The following RELCH variants were observed in gnomAD, a reference collection of about 807,000 sequenced individuals.
RELCH encodes the protein RAB11-binding protein RELCH.
Under a neutral mutation model 150.3 loss-of-function variants are expected in RELCH, and 41 were observed. That is an observed-to-expected ratio of 0.27 (90% confidence interval 0.21 to 0.35). The LOEUF is 0.35. Ranked by LOEUF, RELCH falls within the 10% of genes least tolerant of loss-of-function variation. The pLI is 1.00. For synonymous variants in RELCH, 478 were observed against 531.8 expected (o/e 0.90, Z 1.39); for missense variants, 1,092 against 1,467.8 (o/e 0.74, Z 4.18).
chr18:62,249,340 C>T (rs575575248), intron 11 of RELCH, among the ~76,000 whole-genome samples: 6 of 152,182 alleles, frequency 3.9e-5, no homozygotes, highest in African/African-American at 1.2e-4. Context: ...TCAAAATATA[C>T]CTGACCAAGT....
At chr18:62,283,574 G>A (rs902031880) in intron 25 of RELCH, among the ~76,000 whole-genome samples, 3 of 152,156 alleles carry the variant, frequency 2.0e-5, no homozygotes, top group Non-Finnish European at 4.4e-5. Flanking sequence ...GATTTGGACT[G>A]CAGTGTCCAA....
intron 18 of RELCH, 125 bp downstream of exon 18, chr18:62,264,977 A>G (rs1243003735): frequency 2.7e-6 from 2 of 728,724 alleles, no homozygotes; most frequent in African/African-American, 1.8e-5. Context: ...TTAATATCCT[A>G]GAATACTATG....
At chr18:62,245,117 A>G (rs2042336063) in intron 11 of RELCH, among the ~76,000 whole-genome samples, 1 of 151,476 alleles carries the variant, frequency 6.6e-6, no homozygotes, top group Admixed American at 6.6e-5. Flanking sequence ...TCTCTTTTTA[A>G]AGGGACCTGG....
chr18:62,269,277 GC>G, intron 20 of RELCH: 1 of 261,774 alleles, frequency 3.8e-6, no homozygotes, highest in Middle Eastern at 1.1e-3. Context: ...GGTGAACTAA[GC>G]TACAAAGCAC....
intron 19 of RELCH, among the ~76,000 whole-genome samples, chr18:62,267,484 ATGTGTGTGTGTGTGTG>A (rs36203741): frequency 7.4e-6 from 1 of 135,750 alleles, no homozygotes; most frequent in Non-Finnish European, 1.6e-5. Flanking sequence ...CTAGGTATAT[ATGTGTGTGTGTGTGTG>A]TGTGTGTGTG....
intron 22 of RELCH, chr18:62,277,444 A>G (rs1326494938): frequency 1.2e-5 from 4 of 346,738 alleles, no homozygotes; most frequent in Non-Finnish European, 1.6e-5. Context: ...TTCTTATTTG[A>G]ACAAAATTGT....
At chr18:62,233,426 T>C (rs774709327) in intron 10 of RELCH, among the ~76,000 whole-genome samples, 119 of 151,970 alleles carry the variant, frequency 7.8e-4, no homozygotes, top group Non-Finnish European at 1.3e-3. Context: ...TTTTCAATTA[T>C]CCATTTAGCA....
chr18:62,204,150 T>G (rs1199553064), intron 1 of RELCH, among the ~76,000 whole-genome samples: 1 of 152,176 alleles, frequency 6.6e-6, no homozygotes, highest in African/African-American at 2.4e-5. Flanking sequence ...TTAGGATGAT[T>G]TATCTAGTCT....
At chr18:62,226,866 C>G (rs1348338590) in intron 5 of RELCH, among the ~76,000 whole-genome samples, 3 of 151,992 alleles carry the variant, frequency 2.0e-5, no homozygotes, top group Admixed American at 1.3e-4. Flanking sequence ...GATATTATAA[C>G]AAAATTATGA....
chr18:62,298,367 A>G (rs1272656536), intron 27 of RELCH, among the ~76,000 whole-genome samples: 1 of 152,248 alleles, frequency 6.6e-6, no homozygotes. Flanking sequence ...AGCTCTAGAC[A>G]TTAAAATAAG....
rs1600244931 is a variant in RELCH, at chr18:62,287,353, G to T, written c.3256G>T (p.Val1086Phe). 6.5e-7 allele frequency: 1 copy of T among 1,544,622 alleles called. No homozygotes were observed. Among genetic ancestry groups the T allele is most frequent in the Non-Finnish European group, 8.9e-7 (1 of 1,118,870 alleles). The change falls in exon 26 of 29, where the codon GTT (valine) becomes TTT (phenylalanine). Residue 1086 changes from valine to phenylalanine, a missense_variant and splice_region_variant. Val to Phe is a conservative substitution (Grantham distance 50, BLOSUM62 -1). Around this residue, in one of 4 missense-constraint regions of RELCH, gnomAD observed 707 missense variants for 1,025.4 expected, o/e 0.69. Coordinates refer to ENST00000644646, the MANE Select transcript of RELCH (RefSeq NM_001346231.2). ...NAEPRFRDEFVIPHLHKLALV... is the reference protein window; with the variant it reads ...NAEPRFRDEFFIPHLHKLALV... Reference sequence around the variant, plus strand: ...AACCCTTTTTTTTCTGTTTTCAGTTGTTATACCACATTTGCATAAGTTAGC... The same window carrying T: ...AACCCTTTTTTTTCTGTTTTCAGTTTTTATACCACATTTGCATAAGTTAGC...
chr18:62,290,248 T>C (rs1170332597), intron 26 of RELCH, among the ~76,000 whole-genome samples: 1 of 152,148 alleles, frequency 6.6e-6, no homozygotes, highest in Non-Finnish European at 1.5e-5. Flanking sequence ...TTAATCATCT[T>C]TATGGCCGGG....
At position 62,307,434 on chromosome 18, in the gene RELCH, G is replaced by A. The variant is rs2045912155; in HGVS notation, c.*1900G>A. On this transcript the variant is annotated 3_prime_UTR_variant, in exon 29 of 29. Transcript: ENST00000644646. ...ATTGTGAACATTTTTCTTAATTAAT[G>A]AATATATTTATTTAAGTGCTAATGT... is the stretch of plus-strand genomic sequence containing the variant. 1 of 152,028 alleles carries A rather than the reference G, an allele frequency of 6.6e-6. No individual in the cohort carries two copies. The highest frequency in any genetic ancestry group is 6.5e-5 in the Admixed American group (1 of 15,270). The allele number at this position is 152,028 out of a possible 1,614,324, so 9.4% of individuals were successfully genotyped here.
chr18:62,261,835 T>C (rs1026368287), intron 16 of RELCH, among the ~76,000 whole-genome samples, 177 bp downstream of exon 16: 1 of 152,070 alleles, frequency 6.6e-6, no homozygotes, highest in Non-Finnish European at 1.5e-5. Flanking sequence ...CAATATGGCT[T>C]CATCTTTTAT....
chr18:62,293,872 T>C (rs1307423919), intron 27 of RELCH, among the ~76,000 whole-genome samples: 2 of 152,174 alleles, frequency 1.3e-5, no homozygotes, highest in East Asian at 3.9e-4. Context: ...TATATTTTCA[T>C]ACTTTGTTTT....
intron 1 of RELCH, among the ~76,000 whole-genome samples, chr18:62,192,771 GT>G (rs1405019447): frequency 1.3e-5 from 2 of 152,152 alleles, no homozygotes; most frequent in African/African-American, 4.8e-5. Context: ...GTACCATGCT[GT>G]TTTGGTTACT....
intron 1 of RELCH, 117 bp downstream of exon 1, chr18:62,188,148 G>T: frequency 8.4e-7 from 1 of 1,197,190 alleles, no homozygotes; most frequent in Non-Finnish European, 1.1e-6. Context: ...AGGAACGAGA[G>T]TATTGGGGTG....
intron 11 of RELCH, among the ~76,000 whole-genome samples, chr18:62,252,077 C>A (rs1044037133): frequency 6.6e-6 from 1 of 151,922 alleles, no homozygotes; most frequent in Non-Finnish European, 1.5e-5. Context: ...CTCACCGCAA[C>A]CTCCGCTTCC....
Position 62,272,369 on chromosome 18 carries a change from A to C in RELCH, c.2761-1611A>C, listed in dbSNP as rs149733299. Reference sequence around the variant, plus strand: ...TAATATTTTTATTTTGACCATAAATAACATTTTAAATCATAATAATTAAAT... The same window carrying C: ...TAATATTTTTATTTTGACCATAAATCACATTTTAAATCATAATAATTAAAT... On this transcript the variant is annotated intron_variant, in intron 20 of 28. Transcript: ENST00000644646. Among the ~76,000 whole-genome samples, 561 of 152,266 alleles carry C rather than the reference A, an allele frequency of 3.7e-3. 4 individuals carry two copies. The highest frequency in any genetic ancestry group is 0.013 in the African/African-American group (540 of 41,580).
Sources: allele counts gnomAD v4.1 joint callset (sites outside exome capture counted in the v4.1 genomes callset), GRCh38; gene constraint gnomAD v4.1.1; regional missense constraint gnomAD v4.1.1; transcripts MANE v1.5; gene names NCBI Gene and HGNC (gene_info 2026-07-23, HGNC 2026-07-21).